PKHD1: variants seen among roughly 807,000 people sequenced by gnomAD.
PKHD1 encodes the protein PKHD1 ciliary IPT domain containing fibrocystin/polyductin, also known as fibrocystin.
A neutral mutation model predicts 412.0 loss-of-function variants in PKHD1; 291 were observed. That is an observed-to-expected ratio of 0.71 (90% CI 0.64 to 0.78). The LOEUF is 0.78. PKHD1 is among the 30% of genes least tolerant of loss of function. The pLI is 0.00. For missense variants in PKHD1, 4,825 were observed against 4,950.7 expected, an observed-to-expected ratio of 0.97 and a Z score of 0.76; for synonymous variants, 1,777 against 1,821.5, an observed-to-expected ratio of 0.98 and a Z score of 0.62.
chr6:51,951,252 G>A (rs1790324850), intron 36 of PKHD1, among the ~76,000 whole-genome samples: 1 of 151,946 alleles, frequency 6.6e-6, no homozygotes, highest in Non-Finnish European at 1.5e-5. Context: ...AGTGCTCAAG[G>A]CCTTCAGCTG....
intron 64 of PKHD1, among the ~76,000 whole-genome samples, chr6:51,634,319 C>G (rs1414050913): frequency 6.6e-6 from 1 of 152,168 alleles, no homozygotes. Context: ...AAAGCTACTA[C>G]AACAAAATCT....
chr6:51,775,991 T>C, intron 53 of PKHD1, 70 bp from the exon 54 acceptor site: 1 of 787,036 alleles, frequency 1.3e-6, no homozygotes, highest in Admixed American at 1.8e-5. Context: ...GAAATTGCAG[T>C]ATAATTTCAA....
rs780114507 is a variant in PKHD1 at position 51,748,693 on chromosome 6, C to G, written c.8951-28G>C. ...ATAAACAAATGCATGTCATCAGGTA[C>G]TTTCCTCTTCCCCACAAAAGGCTGA... On this transcript the variant is annotated intron_variant, in intron 57 of 66. Transcript: ENST00000371117. The G allele has an allele frequency of 1.5e-5, 24 of 1,608,028 alleles. No homozygotes were observed. In the South Asian group the frequency reaches 2.5e-4, roughly 17 times the overall value.
At position 51,829,647 on chromosome 6, in the gene PKHD1, C is replaced by T. The variant is rs183605321; in HGVS notation, c.8302+1214G>A. On this transcript the variant is annotated intron_variant, in intron 52 of 66. Coordinates refer to ENST00000371117, the MANE Select transcript of PKHD1 (RefSeq NM_138694.4). ...AATAATTGACGTTTGTACTGGTCAG[C>T]CCACTCACACCTGTCCCTCGTGTCT... Among the ~76,000 whole-genome samples the T allele has an allele frequency of 3.1e-3, 474 of 152,246 alleles. 2 individuals carry two copies. Among genetic ancestry groups the T allele is most frequent in the African/African-American group, 0.011 (456 of 41,556 alleles).
At chr6:52,019,582 T>C (rs890988935) in intron 33 of PKHD1, among the ~76,000 whole-genome samples, 3 of 152,224 alleles carry the variant, frequency 2.0e-5, no homozygotes, top group African/African-American at 7.2e-5. Context: ...ACAAGCAGGA[T>C]TATGAAAATC....
chr6:51,989,898 AGGGAGG>A (rs1796691290), intron 35 of PKHD1, among the ~76,000 whole-genome samples: 4 of 16,090 alleles, frequency 2.5e-4, no homozygotes, highest in Admixed American at 1.5e-3. Context: ...GGAAGGAAGG[AGGGAGG>A]AAGGAAGGAA....
intron 36 of PKHD1, among the ~76,000 whole-genome samples, chr6:51,942,955 C>A (rs371442737): frequency 8.6e-5 from 13 of 151,604 alleles, no homozygotes; most frequent in African/African-American, 2.9e-4. Flanking sequence ...CTCAACATGC[C>A]CCAAGTCAGG....
intron 57 of PKHD1, among the ~76,000 whole-genome samples, chr6:51,750,682 A>G (rs1785965645): frequency 6.6e-6 from 1 of 152,130 alleles, no homozygotes; most frequent in Non-Finnish European, 1.5e-5. Flanking sequence ...ATAGTTTTAA[A>G]CTGTACAAGG....
chr6:51,758,258 A>G (rs1479935386), intron 55 of PKHD1, among the ~76,000 whole-genome samples: 2 of 152,168 alleles, frequency 1.3e-5, no homozygotes, highest in Non-Finnish European at 2.9e-5. Context: ...CGGGTTCTAT[A>G]CATCATGAGA....
intron 60 of PKHD1, among the ~76,000 whole-genome samples, chr6:51,725,896 C>A (rs1445306137): frequency 2.0e-5 from 3 of 152,176 alleles, no homozygotes; most frequent in Admixed American, 1.3e-4. Flanking sequence ...CTAGTCCCTT[C>A]TTTTGCAAAA....
chr6:51,721,404 A>T (rs1390936166), intron 60 of PKHD1: 1 of 497,354 alleles, frequency 2.0e-6, no homozygotes, highest in Admixed American at 6.5e-5. Flanking sequence ...TAATATATTA[A>T]TATGCCAATA....
rs1806583187 is a variant in PKHD1, at chr6:52,050,208, A to G, written c.2228T>C (p.Val743Ala). The change falls in exon 22 of 67, where the codon GTC (valine) becomes GCC (alanine). Residue 743 changes from valine (V) to alanine (A), a missense_variant. Transcript: ENST00000371117. ...SVVGSPPVYS[V>A]TSWLAGCGTE... The stretch of plus-strand genomic sequence containing the variant: ...GCCACACCCCGCCAGCCAGGAGGTG[A>G]CACTGTAGACCGGAGGGGATCCCAC... 1.2e-6 allele frequency: 2 copies of G among 1,614,200 alleles called. No homozygotes were observed. Among genetic ancestry groups the G allele is most frequent in the Non-Finnish European group, 1.7e-6 (2 of 1,180,014 alleles).
chr6:51,743,833 G>A (rs1356548526), intron 60 of PKHD1, among the ~76,000 whole-genome samples: 1 of 152,124 alleles, frequency 6.6e-6, no homozygotes, highest in Non-Finnish European at 1.5e-5. Flanking sequence ...TCTCTCCAGG[G>A]GTCCAGCCAT....
Position 52,025,040 on chromosome 6 carries a change from G to A in PKHD1, c.4770C>T (p.Leu1590=), listed in dbSNP as rs768093597. 2 of 1,614,070 alleles carry A rather than the reference G, an allele frequency of 1.2e-6. No individual in the cohort carries two copies. The highest frequency in any genetic ancestry group is 4.5e-5 in the East Asian group (2 of 44,890). The change falls in exon 32 of 67, where the codon CTC becomes CTT. Residue 1590 remains leucine (L), a synonymous_variant. Coordinates refer to ENST00000371117, the MANE Select transcript of PKHD1 (RefSeq NM_138694.4). ...PKNFSLHGGS[L]LTIEGTGLRG... ...TCAGGCCTGTGCCCTCTATGGTCAAGAGGCTTCCACCATGTAAGCTGAAAT... is the reference window on the plus strand; with the variant it reads ...TCAGGCCTGTGCCCTCTATGGTCAAAAGGCTTCCACCATGTAAGCTGAAAT...
chr6:51,761,613 A>G (rs538432029), intron 55 of PKHD1, among the ~76,000 whole-genome samples: 1 of 152,192 alleles, frequency 6.6e-6, no homozygotes, highest in Non-Finnish European at 1.5e-5. Flanking sequence ...AAAAAAGATA[A>G]CTATATGAGA....
In PKHD1 at chr6:52,058,318, C is replaced by T. The variant is rs1378314529; in HGVS notation, c.1512+5G>A. 6.2e-7 allele frequency: 1 copy of T among 1,613,862 alleles called. No individual in the cohort carries two copies. The highest frequency in any genetic ancestry group is 8.5e-7 in the Non-Finnish European group (1 of 1,179,960). ...AGCTCCATGGGACTGGAAAGAGACA[C>T]AGACCTGTACTTCTGGAAGCCTCTG... On this transcript the variant is annotated splice_donor_5th_base_variant and intron_variant, in intron 16 of 66. Coordinates refer to ENST00000371117, the MANE Select transcript of PKHD1 (RefSeq NM_138694.4).
At chr6:51,768,148 A>C (rs1472487371) in intron 55 of PKHD1, among the ~76,000 whole-genome samples, 1 of 145,388 alleles carries the variant, frequency 6.9e-6, no homozygotes, top group African/African-American at 2.6e-5. Context: ...TGCTTCACCT[A>C]CTTTTTGAGG....
At chr6:51,952,422 G>A (rs892771588) in intron 36 of PKHD1, among the ~76,000 whole-genome samples, 3 of 152,112 alleles carry the variant, frequency 2.0e-5, no homozygotes, top group Non-Finnish European at 4.4e-5. Context: ...GCCATTATTT[G>A]AGTACCTGTT....
chr6:51,932,595 A>G (rs992012867), intron 37 of PKHD1, among the ~76,000 whole-genome samples: 1 of 152,166 alleles, frequency 6.6e-6, no homozygotes, highest in African/African-American at 2.4e-5. Flanking sequence ...ACATTTGAAA[A>G]CCATGGCTGA....
Sources: allele counts gnomAD v4.1 joint callset (sites outside exome capture counted in the v4.1 genomes callset), GRCh38; gene constraint gnomAD v4.1.1; transcripts MANE v1.5; gene names NCBI Gene and HGNC (gene_info 2026-07-23, HGNC 2026-07-21).